The following ANK3 variants were observed in gnomAD, a reference collection of about 807,000 sequenced individuals.
ANK3 encodes ankyrin 3.
A neutral mutation model predicts 370.9 loss-of-function variants in ANK3; 57 were observed. The observed-to-expected ratio is 0.15, with a 90% CI of 0.12 to 0.19. The LOEUF (loss-of-function observed/expected upper bound fraction) is 0.19, where lower values mean the gene tolerates loss of function less well. Among genes scored for constraint, ANK3 ranks in the 10% least tolerant of loss-of-function variants. The pLI is 1.00. For missense variants in ANK3, 4,439 were observed against 5,302.1 expected, an observed-to-expected ratio of 0.84 and a Z score of 5.06; for synonymous variants, 1,929 against 1,946.3, an observed-to-expected ratio of 0.99 and a Z score of 0.23.
At chr10:60,441,469 G>A (rs2064298363) in intron 2 of ANK3, among the ~76,000 whole-genome samples, 1 of 152,126 alleles carries the variant, frequency 6.6e-6, no homozygotes, top group Non-Finnish European at 1.5e-5. Flanking sequence ...AATATGTAAA[G>A]TTTCTGAAGC....
Position 60,457,349 on chromosome 10 carries a change from T to G in ANK3, c.96+157837A>C, listed in dbSNP as rs536633240. Among the ~76,000 whole-genome samples the G allele has an allele frequency of 1.4e-4, 21 of 152,258 alleles. 1 individual carries two copies. In the South Asian group the frequency reaches 4.1e-3, roughly 30 times the overall value. ...TTGCCCTCATAATGGAGAAAACCATTAGGATCACTGTGCTAATGTATGGAT... is the reference window on the plus strand; with the variant it reads ...TTGCCCTCATAATGGAGAAAACCATGAGGATCACTGTGCTAATGTATGGAT... On this transcript the variant is annotated intron_variant, in intron 2 of 43. Transcript: ENST00000373827.
At chr10:60,239,935 T>C (rs926904487) in intron 7 of ANK3, among the ~76,000 whole-genome samples, 2 of 151,044 alleles carry the variant, frequency 1.3e-5, no homozygotes, top group African/African-American at 2.4e-5. Context: ...CTATGAAAAA[T>C]AAGATAAATT....
chr10:60,601,877 A>G (rs142165727), intron 2 of ANK3, among the ~76,000 whole-genome samples: 1 of 152,298 alleles, frequency 6.6e-6, no homozygotes, highest in African/African-American at 2.4e-5. Flanking sequence ...GACAAAGTTT[A>G]CTTTTTAAAA....
intron 7 of ANK3, among the ~76,000 whole-genome samples, chr10:60,237,519 ACT>A (rs1362559190): frequency 6.6e-6 from 1 of 151,332 alleles, no homozygotes; most frequent in Non-Finnish European, 1.5e-5. Context: ...TTCTAATTTC[ACT>A]CTCTTCCATA....
At position 60,246,255 on chromosome 10, in the gene ANK3, CAAAA is replaced by C. The variant is rs869144298; in HGVS notation, c.799-11473_799-11470del. On this transcript the variant is annotated intron_variant, in intron 7 of 43. Coordinates refer to ENST00000280772, the MANE Select transcript of ANK3 (RefSeq NM_020987.5). ...TGGGCAACAGAGAGAAACCCTGTAT[CAAAA>C]AAAAAAAAAAAAAAAAAAAAAAGAA... 9.8e-4 allele frequency among the ~76,000 whole-genome samples: 91 copies of C among 92,676 alleles called. 1 individual carries two copies. The highest frequency in any genetic ancestry group is 3.6e-3 in the African/African-American group (76 of 21,264). The allele number at this position is 92,676 out of a possible 152,430, so 60.8% of individuals were successfully genotyped here. A position where few individuals can be genotyped will look rare whatever the true frequency, so the allele number is the denominator to read the frequency against.
At chr10:60,626,569 A>G (rs1867081) in intron 1 of ANK3, among the ~76,000 whole-genome samples, 103,936 of 151,936 alleles carry the variant, frequency 0.68, 35,663 homozygotes, top group South Asian at 0.83. Context: ...ACCATCCAAG[A>G]AGACCTTGGA....
intron 2 of ANK3, among the ~76,000 whole-genome samples, chr10:60,535,265 A>G (rs985215609): frequency 6.6e-6 from 1 of 152,086 alleles, no homozygotes; most frequent in Non-Finnish European, 1.5e-5. Flanking sequence ...AAATGAAACC[A>G]ATATACTATA....
intron 1 of ANK3, among the ~76,000 whole-genome samples, chr10:60,700,987 A>G (rs972960715): frequency 1.3e-5 from 2 of 152,072 alleles, no homozygotes; most frequent in Non-Finnish European, 2.9e-5. Flanking sequence ...GCAAAGTAAA[A>G]TAAATGACAA....
chr10:60,726,685 G>A (rs2079946105), intron 1 of ANK3, among the ~76,000 whole-genome samples: 1 of 151,962 alleles, frequency 6.6e-6, no homozygotes, highest in Non-Finnish European at 1.5e-5. Flanking sequence ...CTTCCTATTT[G>A]AGAGTGATAG....
intron 23 of ANK3, among the ~76,000 whole-genome samples, chr10:60,149,953 T>A (rs1477406451): frequency 6.6e-6 from 1 of 152,108 alleles, no homozygotes; most frequent in Non-Finnish European, 1.5e-5. Flanking sequence ...AGGTGATCCA[T>A]CCGCCTCACC....
chr10:60,262,094 C>G, intron 6 of ANK3, 137 bp from the exon 7 acceptor site: 2 of 676,938 alleles, frequency 3.0e-6, no homozygotes, highest in Non-Finnish European at 2.5e-6. Context: ...TACTAGGTTT[C>G]GATCAGTGCC....
intron 4 of ANK3, among the ~76,000 whole-genome samples, chr10:60,273,357 C>T (rs1327472239): frequency 2.0e-5 from 3 of 152,090 alleles, no homozygotes; most frequent in African/African-American, 7.2e-5. Context: ...ATATAATTTG[C>T]ATATCATAAA....
At chr10:60,129,595 AT>A (rs2093956126) in intron 25 of ANK3, among the ~76,000 whole-genome samples, 1 of 152,184 alleles carries the variant, frequency 6.6e-6, no homozygotes, top group African/African-American at 2.4e-5. Flanking sequence ...CTACTAAAAA[AT>A]ACAAAAATTA....
At chr10:60,166,952 C>G in intron 21 of ANK3, 56 bp from the exon 22 acceptor site, 2 of 1,387,350 alleles carry the variant, frequency 1.4e-6, no homozygotes, top group Non-Finnish European at 2.0e-6. Flanking sequence ...TTTAATGGGT[C>G]TTTTCATTTA....
chr10:60,495,294 C>A (rs971588616), intron 2 of ANK3, among the ~76,000 whole-genome samples: 8 of 152,164 alleles, frequency 5.3e-5, no homozygotes, highest in Non-Finnish European at 8.8e-5. Flanking sequence ...AATGCTACTA[C>A]TCAAAATGTG....
intron 40 of ANK3, among the ~76,000 whole-genome samples, chr10:60,061,515 C>CT (rs2080458511): frequency 6.6e-6 from 1 of 152,158 alleles, no homozygotes; most frequent in East Asian, 1.9e-4. Flanking sequence ...TAAACTATAA[C>CT]TTATCAATAA....
At chr10:60,603,970 A>T (rs1174497465) in intron 2 of ANK3, among the ~76,000 whole-genome samples, 2 of 152,184 alleles carry the variant, frequency 1.3e-5, no homozygotes, top group Non-Finnish European at 2.9e-5. Flanking sequence ...TTATTCAAGC[A>T]TTTGTTTAAA....
At position 60,173,174 on chromosome 10, in the gene ANK3, G is replaced by C. The variant is rs1374463105; in HGVS notation, c.2197C>G (p.Pro733Ala). ...CCATAGTGGCAGCCCACATGCAGTGGTGTGTATCCCATCTGTAATTATTAT... is the reference window on the plus strand; with the variant it reads ...CCATAGTGGCAGCCCACATGCAGTGCTGTGTATCCCATCTGTAATTATTAT... ...VDAQTKMGYT[P>A]LHVGCHYGNI... The change falls in exon 19 of 44, where the codon CCA becomes GCA. Residue 733 changes from proline to alanine, a missense_variant. Physicochemically the swap from Pro to Ala is conservative, Grantham distance 27. Around this residue, in one of 13 missense-constraint regions of ANK3, gnomAD observed 702 missense variants for 941.5 expected, o/e 0.75. Transcript: ENST00000280772. 1.9e-6 allele frequency: 3 copies of C among 1,611,558 alleles called. No individual in the cohort carries two copies. Among genetic ancestry groups the C allele is most frequent in the Non-Finnish European group, 2.5e-6 (3 of 1,178,380 alleles).
chr10:60,069,901 T>G lies in ANK3; in HGVS notation c.10980A>C (p.Pro3660=), dbSNP rs2082384419. Residue 3660 remains proline (P), a synonymous_variant, in exon 37 of 44, where the codon CCA becomes CCC. Coordinates refer to ENST00000280772, the MANE Select transcript of ANK3 (RefSeq NM_020987.5). ...DKSMVTATPQ[P]QSGDTTVETN... ...TTTCTACAGTGGTGTCCCCTGACTG[T>G]GGCTGTGGTGTGGCAGTGACCATAC... The G allele has an allele frequency of 6.2e-7, 1 of 1,613,906 alleles. No homozygotes were observed. Among genetic ancestry groups the G allele is most frequent in the Non-Finnish European group, 8.5e-7 (1 of 1,179,984 alleles).
Sources: gnomAD v4.1 joint callset for allele counts (sites outside exome capture counted in the v4.1 genomes callset) on GRCh38, gnomAD v4.1.1 for gene constraint, gnomAD v4.1.1 regional missense constraint, MANE v1.5 for transcripts, NCBI Gene and HGNC (gene_info 2026-07-23, HGNC 2026-07-21) for gene names.